Variants in HTR4 observed in about 807,000 individuals in gnomAD.
HTR4 encodes the protein 5-hydroxytryptamine (serotonin) receptor 4, G protein-coupled.
HTR4 carries 16 observed loss-of-function variants against 36.8 expected under a neutral mutation model. The observed-to-expected ratio is 0.43, with a 90% CI of 0.29 to 0.66. The LOEUF (loss-of-function observed/expected upper bound fraction) is 0.66, where lower values mean the gene tolerates loss of function less well. Ranked by LOEUF, HTR4 falls within the 30% of genes least tolerant of loss-of-function variation. HTR4 has a pLI of 0.13. For synonymous variants in HTR4, 189 were observed against 185.1 expected, an observed-to-expected ratio of 1.02 and a Z score of -0.17; for missense variants, 438 against 490.9, an observed-to-expected ratio of 0.89 and a Z score of 1.02.
intron 6 of HTR4, among the ~76,000 whole-genome samples, chr5:148,494,531 A>G (rs1403311279): frequency 6.6e-6 from 1 of 152,190 alleles, no homozygotes; most frequent in Non-Finnish European, 1.5e-5. Flanking sequence ...TTGATTTCAT[A>G]TAGAAATCTG....
At chr5:148,633,818 C>T (rs1008709944) in intron 2 of HTR4, among the ~76,000 whole-genome samples, 1 of 152,076 alleles carries the variant, frequency 6.6e-6, no homozygotes, top group Non-Finnish European at 1.5e-5. Context: ...GCCATGATTG[C>T]ATTTTCTAAC....
chr5:148,610,710 T>C (rs1255835455), intron 2 of HTR4, among the ~76,000 whole-genome samples: 23 of 149,846 alleles, frequency 1.5e-4, no homozygotes, highest in African/African-American at 2.5e-4. Flanking sequence ...AAGAAGGCTT[T>C]AGACGATCAA....
At chr5:148,635,763 C>A (rs1753510984) in intron 2 of HTR4, among the ~76,000 whole-genome samples, 1 of 152,112 alleles carries the variant, frequency 6.6e-6, no homozygotes, top group Non-Finnish European at 1.5e-5. Flanking sequence ...ACTCTGCTTT[C>A]TCTGGGCAAA....
intron 6 of HTR4, among the ~76,000 whole-genome samples, chr5:148,491,505 A>G (rs1756438688): frequency 6.6e-6 from 1 of 152,122 alleles, no homozygotes; most frequent in South Asian, 2.1e-4. Flanking sequence ...CCTCGGCACT[A>G]TCTGGAAATC....
chr5:148,623,299 T>G (rs1752979105), intron 2 of HTR4, among the ~76,000 whole-genome samples: 1 of 152,090 alleles, frequency 6.6e-6, no homozygotes, highest in Admixed American at 6.6e-5. Flanking sequence ...GAACTTATCT[T>G]AAGGAAATCT....
At chr5:148,580,135 A>C (rs1318103859) in intron 2 of HTR4, among the ~76,000 whole-genome samples, 1 of 152,054 alleles carries the variant, frequency 6.6e-6, no homozygotes, top group Non-Finnish European at 1.5e-5. Context: ...AAATGGGAAC[A>C]ATGGTGCTCA....
intron 2 of HTR4, among the ~76,000 whole-genome samples, chr5:148,625,589 G>A (rs1036868089): frequency 2.6e-5 from 4 of 151,992 alleles, no homozygotes; most frequent in Non-Finnish European, 5.9e-5. Flanking sequence ...GGGTTTTTTT[G>A]TTTGTTTTTT....
intron 2 of HTR4, among the ~76,000 whole-genome samples, chr5:148,581,442 C>T (rs1054758733): frequency 6.6e-6 from 1 of 151,024 alleles, no homozygotes; most frequent in African/African-American, 2.4e-5. Context: ...AGCTTTTCCC[C>T]TCTGTTTTCT....
chr5:148,451,100 A>G, exon 6 of HTR4: 1 of 1,594,746 alleles, frequency 6.3e-7, no homozygotes, highest in Non-Finnish European at 8.6e-7. Context: ...ACTGGTGGTG[A>G]TGAGGTTCAG....
At chr5:148,485,743 G>T (rs546473593) in intron 6 of HTR4, among the ~76,000 whole-genome samples, 2 of 152,310 alleles carry the variant, frequency 1.3e-5, no homozygotes, top group Admixed American at 6.5e-5. Context: ...AAGACAAAGA[G>T]AGGGGCCACA....
chr5:148,541,865 G>A (rs928944044), intron 4 of HTR4, among the ~76,000 whole-genome samples: 1 of 152,078 alleles, frequency 6.6e-6, no homozygotes, highest in African/African-American at 2.4e-5. Flanking sequence ...ATCCCCTACT[G>A]ATACCCACAG....
intron 2 of HTR4, among the ~76,000 whole-genome samples, chr5:148,570,134 A>T (rs1760615933): frequency 6.6e-6 from 1 of 152,094 alleles, no homozygotes; most frequent in Non-Finnish European, 1.5e-5. Context: ...GCAGAAAACA[A>T]ACAAACTCTC....
intron 1 of HTR4, among the ~76,000 whole-genome samples, chr5:148,642,088 C>T (rs540457407): frequency 2.0e-5 from 3 of 152,228 alleles, no homozygotes; most frequent in Non-Finnish European, 2.9e-5. Context: ...TTGGATTGAC[C>T]GTGTTTCTTT....
chr5:148,604,574 G>T (rs1833705), intron 2 of HTR4, among the ~76,000 whole-genome samples: 22,036 of 152,132 alleles, frequency 0.14, 1,725 homozygotes, highest in African/African-American at 0.19. Flanking sequence ...ATAGCACTCA[G>T]TGTAAGAGTG....
chr5:148,541,957 C>CT (rs972952815), intron 4 of HTR4, among the ~76,000 whole-genome samples: 43 of 148,762 alleles, frequency 2.9e-4, no homozygotes, highest in Admixed American at 4.7e-4. Flanking sequence ...ACTCCAATAG[C>CT]TTTTTTTTTT....
At chr5:148,606,675 T>C (rs1752176142) in intron 2 of HTR4, among the ~76,000 whole-genome samples, 1 of 152,234 alleles carries the variant, frequency 6.6e-6, no homozygotes, top group Non-Finnish European at 1.5e-5. Flanking sequence ...CAACTCTGTA[T>C]GATGGTTAAA....
chr5:148,600,687 C>T (rs909349765), intron 2 of HTR4, among the ~76,000 whole-genome samples: 7 of 151,540 alleles, frequency 4.6e-5, no homozygotes, highest in Admixed American at 2.0e-4. Context: ...AAGATCCGTA[C>T]GCTGACAACA....
At chr5:148,595,981 A>G (rs1047725231) in intron 2 of HTR4, among the ~76,000 whole-genome samples, 1 of 152,322 alleles carries the variant, frequency 6.6e-6, no homozygotes, top group East Asian at 1.9e-4. Context: ...TCAGACACCA[A>G]TCAGCATCCC....
Position 148,481,962 on chromosome 5 carries a change from G to T in HTR4, c.*1241C>A, listed in dbSNP as rs1755907277. On this transcript the variant is annotated 3_prime_UTR_variant, in exon 7 of 7. Coordinates refer to ENST00000377888, the MANE Select transcript of HTR4 (RefSeq NM_000870.7). ...GCCATGGCTTCTCGAGGTAGCAGAC[G>T]GCTATAGCAGCATACTGTTGTCTTA... 1 of 1,056,290 alleles carries T rather than the reference G, an allele frequency of 9.5e-7. No homozygotes were observed. The allele number at this position is 1,056,290 out of a possible 1,614,324, so 65.4% of individuals were successfully genotyped here. A position where few individuals can be genotyped will look rare whatever the true frequency, so the allele number is the denominator to read the frequency against.
Sources: allele counts gnomAD v4.1 joint callset (sites outside exome capture counted in the v4.1 genomes callset), GRCh38; gene constraint gnomAD v4.1.1; transcripts MANE v1.5; gene names NCBI Gene and HGNC (gene_info 2026-07-23, HGNC 2026-07-21).